DAB1: variants seen among roughly 807,000 people sequenced by gnomAD.
The protein encoded by DAB1 is disabled homolog 1.
In DAB1, 15 loss-of-function variants were observed where a neutral mutation model predicts 64.6. The ratio of observed to expected loss-of-function variants is 0.23; its 90% CI spans 0.16 to 0.36. The LOEUF (loss-of-function observed/expected upper bound fraction) is 0.36, where lower values mean the gene tolerates loss of function less well. Among genes scored for constraint, DAB1 ranks in the 10% least tolerant of loss-of-function variants. DAB1 has a pLI of 1.00. For missense variants in DAB1, 596 were observed against 706.7 expected, an observed-to-expected ratio of 0.84 and a Z score of 1.78; for synonymous variants, 235 against 251.9, an observed-to-expected ratio of 0.93 and a Z score of 0.64.
chr1:57,501,230 G>A (rs975668953), intron 7 of DAB1, among the ~76,000 whole-genome samples: 3 of 152,220 alleles, frequency 2.0e-5, no homozygotes, highest in African/African-American at 7.2e-5. Flanking sequence ...GCTGTCCTGA[G>A]ACCTCCTTGT....
rs569099832 is a variant in DAB1, at chr1:57,394,132, G to A, written c.-137+29798C>T. Among the ~76,000 whole-genome samples the A allele has an allele frequency of 7.9e-5, 12 of 152,302 alleles. No homozygotes were observed. The South Asian group carries it at 2.3e-3, about 29-fold the overall frequency. On this transcript the variant is annotated intron_variant, in intron 1 of 14. Coordinates refer to ENST00000371236, the MANE Select transcript of DAB1 (RefSeq NM_001365792.1). Reference sequence around the variant, plus strand: ...GGTGCAGTGAAAGAACAAAGTTGAGGCCATTCACCGTAGATCTTACCAGAT... The same window carrying A: ...GGTGCAGTGAAAGAACAAAGTTGAGACCATTCACCGTAGATCTTACCAGAT...
intron 2 of DAB1, among the ~76,000 whole-genome samples, chr1:58,523,732 T>C (rs886888340): frequency 2.0e-5 from 3 of 152,110 alleles, no homozygotes; most frequent in Admixed American, 6.5e-5. Flanking sequence ...ACCCCATCTC[T>C]ACTAAAAACA....
intron 3 of DAB1, among the ~76,000 whole-genome samples, chr1:58,484,264 C>T (rs757340392): frequency 4.6e-5 from 7 of 152,154 alleles, no homozygotes; most frequent in Non-Finnish European, 5.9e-5. Context: ...AATTACCCTG[C>T]TATAAAAACT....
intron 5 of DAB1, among the ~76,000 whole-genome samples, chr1:57,913,906 T>C (rs1374745129): frequency 1.3e-5 from 2 of 152,100 alleles, no homozygotes; most frequent in Non-Finnish European, 2.9e-5. Context: ...TACCATCTCA[T>C]GCCAGTTAGA....
At chr1:58,338,976 A>C (rs1042799736) in intron 4 of DAB1, among the ~76,000 whole-genome samples, 2 of 152,204 alleles carry the variant, frequency 1.3e-5, no homozygotes, top group East Asian at 3.8e-4. Context: ...AGATACGGAA[A>C]GTGAATTGAT....
intron 7 of DAB1, among the ~76,000 whole-genome samples, chr1:57,494,438 C>T (rs949803495): frequency 6.6e-6 from 1 of 152,148 alleles, no homozygotes; most frequent in South Asian, 2.1e-4. Context: ...ATCACATTAA[C>T]GTTTAATGTG....
chr1:58,287,069 C>T (rs900828532), intron 4 of DAB1, among the ~76,000 whole-genome samples: 3 of 152,262 alleles, frequency 2.0e-5, no homozygotes, highest in Middle Eastern at 3.4e-3. Context: ...AATGCAGGAA[C>T]AGAAAACAAA....
chr1:58,440,965 A>G (rs1569792167), intron 3 of DAB1, among the ~76,000 whole-genome samples: 1 of 152,200 alleles, frequency 6.6e-6, no homozygotes, highest in South Asian at 2.1e-4. Context: ...CTTTCAGGGA[A>G]ACTGTGAAAA....
chr1:57,723,663 C>T (rs1302200899), intron 6 of DAB1, among the ~76,000 whole-genome samples: 1 of 152,178 alleles, frequency 6.6e-6, no homozygotes, highest in Non-Finnish European at 1.5e-5. Context: ...CCCCCAAGCC[C>T]TTGTCCCTGG....
At chr1:57,242,252 GT>G (rs908880394) in intron 2 of DAB1, among the ~76,000 whole-genome samples, 10 of 152,098 alleles carry the variant, frequency 6.6e-5, no homozygotes, top group African/African-American at 2.4e-4. Flanking sequence ...CATCTTTATA[GT>G]TTTTTTCCCT....
At chr1:57,659,304 A>G (rs922844381) in intron 6 of DAB1, among the ~76,000 whole-genome samples, 1 of 152,256 alleles carries the variant, frequency 6.6e-6, no homozygotes, top group African/African-American at 2.4e-5. Flanking sequence ...GAGAGATCAA[A>G]TACATAAATA....
chr1:58,543,671 T>C (rs983377044), intron 1 of DAB1, among the ~76,000 whole-genome samples: 4 of 152,188 alleles, frequency 2.6e-5, no homozygotes, highest in Non-Finnish European at 4.4e-5. Flanking sequence ...CAGGTAATCA[T>C]TTAAAAAATG....
At chr1:58,354,712 G>C (rs996850279) in intron 3 of DAB1, among the ~76,000 whole-genome samples, 2 of 152,154 alleles carry the variant, frequency 1.3e-5, no homozygotes, top group East Asian at 3.9e-4. Flanking sequence ...CAGAGGATAA[G>C]AATCCAGGAA....
intron 4 of DAB1, among the ~76,000 whole-genome samples, chr1:58,252,026 T>A (rs550453015): frequency 6.6e-6 from 1 of 152,226 alleles, no homozygotes; most frequent in Non-Finnish European, 1.5e-5. Context: ...CCTACCACTC[T>A]CTGAGTATCC....
chr1:57,065,906 G>T (rs1312764011), intron 8 of DAB1, among the ~76,000 whole-genome samples: 2 of 152,008 alleles, frequency 1.3e-5, no homozygotes, highest in Non-Finnish European at 2.9e-5. Context: ...CCAGACGCAT[G>T]TGATTTCCCA....
intron 14 of DAB1, among the ~76,000 whole-genome samples, chr1:57,000,646 A>G (rs1645823986): frequency 6.6e-6 from 1 of 152,188 alleles, no homozygotes; most frequent in Admixed American, 6.5e-5. Context: ...CAGTAGGTGG[A>G]GTCAAAAATA....
At chr1:58,121,016 A>G (rs1360035750) in intron 5 of DAB1, among the ~76,000 whole-genome samples, 1 of 152,160 alleles carries the variant, frequency 6.6e-6, no homozygotes, top group African/African-American at 2.4e-5. Flanking sequence ...GACTTTGAAA[A>G]ACATTCTGCT....
At chr1:58,081,708 G>A (rs933505182) in intron 5 of DAB1, among the ~76,000 whole-genome samples, 3 of 152,128 alleles carry the variant, frequency 2.0e-5, no homozygotes, top group Non-Finnish European at 4.4e-5. Context: ...TACTTCAAAG[G>A]GCTGCCAGTA....
chr1:57,825,395 G>A (rs1293223101), downstream of DAB1, among the ~76,000 whole-genome samples: 1 of 152,224 alleles, frequency 6.6e-6, no homozygotes, highest in Non-Finnish European at 1.5e-5. Flanking sequence ...GAGAACATTA[G>A]AGGAGGCAGG....
Sources: gnomAD v4.1 joint callset for allele counts (sites outside exome capture counted in the v4.1 genomes callset) on GRCh38, gnomAD v4.1.1 for gene constraint, MANE v1.5 for transcripts, NCBI Gene and HGNC (gene_info 2026-07-23, HGNC 2026-07-21) for gene names.